WDR64: variants seen among roughly 807,000 people sequenced by gnomAD.
The protein encoded by WDR64 is WD repeat domain 64.
Under a neutral mutation model 139.3 loss-of-function variants are expected in WDR64, and 112 were observed. The ratio of observed to expected loss-of-function variants is 0.80; its 90% CI spans 0.69 to 0.94. WDR64 has a LOEUF of 0.94. Among genes scored for constraint, WDR64 ranks in the 40% least tolerant of loss-of-function variants. The pLI, the probability that WDR64 is intolerant of heterozygous loss-of-function variation, is 0.00. For missense variants in WDR64, 1,206 were observed against 1,293.1 expected (o/e 0.93, Z 1.03); for synonymous variants, 444 against 437.7 (o/e 1.01, Z -0.18).
chr1:241,675,068 T>TCCC (rs1666452789), intron 4 of WDR64, among the ~76,000 whole-genome samples: 4 of 71,934 alleles, frequency 5.6e-5, no homozygotes, highest in African/African-American at 2.3e-4. Flanking sequence ...CCCTTCCTCC[T>TCCC]TCCTGCCTCC....
At chr1:241,779,980 T>C in intron 21 of WDR64, 24 bp from the exon 22 acceptor site, 1 of 1,559,100 alleles carries the variant, frequency 6.4e-7, no homozygotes, top group South Asian at 1.2e-5. Flanking sequence ...TAATTAAAGA[T>C]TCCAATGTTT....
chr1:241,772,525 C>T (rs971054605), intron 19 of WDR64, among the ~76,000 whole-genome samples: 6 of 123,974 alleles, frequency 4.8e-5, no homozygotes, highest in African/African-American at 1.8e-4. Context: ...TGTAGTAGTG[C>T]CATCTCAGCT....
intron 3 of WDR64, among the ~76,000 whole-genome samples, chr1:241,672,042 G>A (rs1037274360): frequency 6.6e-6 from 1 of 152,050 alleles, no homozygotes; most frequent in Non-Finnish European, 1.5e-5. Context: ...AGCCATGGTG[G>A]TGTGCACCTG....
chr1:241,746,695 T>C (rs1669771477), intron 13 of WDR64, among the ~76,000 whole-genome samples: 1 of 151,736 alleles, frequency 6.6e-6, no homozygotes, highest in Non-Finnish European at 1.5e-5. Context: ...TCAGTTTGAA[T>C]GAATCTGAAA....
chr1:241,743,296 A>G (rs1006933227), intron 12 of WDR64, among the ~76,000 whole-genome samples: 4 of 151,912 alleles, frequency 2.6e-5, no homozygotes, highest in Non-Finnish European at 2.9e-5. Context: ...GAGATGGGTG[A>G]CCCCTGAGAC....
intron 21 of WDR64, among the ~76,000 whole-genome samples, chr1:241,779,140 G>A (rs766855129): frequency 9.9e-5 from 15 of 152,040 alleles, no homozygotes; most frequent in Non-Finnish European, 1.5e-4. Flanking sequence ...GCAAAGTACA[G>A]AATTCTAGGT....
At chr1:241,700,045 T>C (rs377473110) in intron 8 of WDR64, among the ~76,000 whole-genome samples, 1 of 151,028 alleles carries the variant, frequency 6.6e-6, no homozygotes, top group East Asian at 2.0e-4. Context: ...AGAAGAGAAA[T>C]GATGAGCGCT....
At chr1:241,673,989 A>T (rs1360316568) in intron 3 of WDR64, among the ~76,000 whole-genome samples, 2 of 152,182 alleles carry the variant, frequency 1.3e-5, no homozygotes, top group Non-Finnish European at 2.9e-5. Flanking sequence ...CTCAAAAAAG[A>T]AATGACTCCA....
chr1:241,680,167 GCAACGGGGACT>G (rs1666723324), intron 6 of WDR64, among the ~76,000 whole-genome samples: 1 of 152,150 alleles, frequency 6.6e-6, no homozygotes, highest in African/African-American at 2.4e-5. Flanking sequence ...ATTATATGGT[GCAACGGGGACT>G]CAGGGAGGGT....
At chr1:241,679,439 T>C in intron 5 of WDR64, 46 bp from the exon 6 acceptor site, 5 of 1,495,776 alleles carry the variant, frequency 3.3e-6, no homozygotes, top group Non-Finnish European at 4.6e-6. Context: ...CACCAGGTCA[T>C]TGAAGGAAAT....
intron 9 of WDR64, among the ~76,000 whole-genome samples, chr1:241,715,158 G>T (rs1668354589): frequency 6.6e-6 from 1 of 152,144 alleles, no homozygotes; most frequent in East Asian, 1.9e-4. Flanking sequence ...TCATGGCTTG[G>T]GTAGGGAGCA....
intron 16 of WDR64, among the ~76,000 whole-genome samples, chr1:241,766,837 A>AT (rs1284490269): frequency 6.6e-6 from 1 of 152,226 alleles, no homozygotes. Flanking sequence ...AGGATGATAT[A>AT]AGTAAGGTGA....
chr1:241,733,467 C>T (rs1669171321), intron 10 of WDR64, among the ~76,000 whole-genome samples: 1 of 147,630 alleles, frequency 6.8e-6, no homozygotes, highest in Admixed American at 6.8e-5. Context: ...AAGAGCAAAA[C>T]TCTGTCTCAA....
intron 18 of WDR64, 58 bp downstream of exon 18, chr1:241,770,748 T>C: frequency 1.3e-6 from 2 of 1,501,086 alleles, no homozygotes; most frequent in East Asian, 4.9e-5. Flanking sequence ...GGTTCAAAAA[T>C]AGTGCTATTG....
intron 24 of WDR64, among the ~76,000 whole-genome samples, chr1:241,789,138 C>T (rs2148326619): frequency 6.6e-6 from 1 of 152,062 alleles, no homozygotes; most frequent in African/African-American, 2.4e-5. Flanking sequence ...GAGAATATCA[C>T]AAGCAGAGGG....
At chr1:241,696,658 A>G (rs1254805977) in intron 8 of WDR64, among the ~76,000 whole-genome samples, 1 of 152,108 alleles carries the variant, frequency 6.6e-6, no homozygotes, top group East Asian at 1.9e-4. Context: ...GCAAACCGTC[A>G]TGGCACTGGT....
Position 241,741,581 on chromosome 1 carries a change from A to G in WDR64, c.1387A>G (p.Thr463Ala). 6.2e-7 allele frequency: 1 copy of G among 1,613,638 alleles called. No individual in the cohort carries two copies. Among genetic ancestry groups the G allele is most frequent in the South Asian group, 1.1e-5 (1 of 91,036 alleles). ...ACAAGATACAAAACAGGTTCCTCAC[A>G]CTCATGAACGAGAAATCAATGTCAT... ...MIQDTKQVPHTHEREINVMLY... is the reference protein window; with the variant it reads ...MIQDTKQVPHAHEREINVMLY... The change falls in exon 12 of 28, where the codon ACT (threonine) becomes GCT (alanine). Residue 463 changes from threonine (T) to alanine (A), a missense_variant. By Grantham distance (58) the Thr-to-Ala change is moderately conservative. Transcript: ENST00000437684.
chr1:241,711,716 G>T, intron 8 of WDR64, 86 bp from the exon 9 acceptor site: 1 of 1,352,680 alleles, frequency 7.4e-7, no homozygotes, highest in Non-Finnish European at 1.0e-6. Flanking sequence ...TTAGAAATGA[G>T]CCTATCAAAC....
In WDR64 at chr1:241,738,437, CA is replaced by C; in HGVS notation, c.1270del (p.Met424CysfsTer6). 2 of 1,613,820 alleles carry C rather than the reference CA, an allele frequency of 1.2e-6. No homozygotes were observed. The highest frequency in any genetic ancestry group is 1.7e-6 in the Non-Finnish European group (2 of 1,179,858). The part of the protein sequence containing the change: ...FHDSQGGPGD[M>X]QIYSMIYDAN... ...ATGACAGCCAGGGAGGACCAGGAGACATGCAGATTTACTCTATGATATATGA... is the reference window on the plus strand; with the variant it reads ...ATGACAGCCAGGGAGGACCAGGAGACTGCAGATTTACTCTATGATATATGA... On this transcript the variant is annotated frameshift_variant, in exon 11 of 28. Transcript: ENST00000437684. LOFTEE classifies it high-confidence loss of function.
Sources: allele counts gnomAD v4.1 joint callset (sites outside exome capture counted in the v4.1 genomes callset), GRCh38; gene constraint gnomAD v4.1.1; transcripts MANE v1.5; gene names NCBI Gene and HGNC (gene_info 2026-07-23, HGNC 2026-07-21).